KDM4C: variants seen among roughly 807,000 people sequenced by gnomAD.
KDM4C encodes the protein lysine demethylase 4C.
Under a neutral mutation model 129.3 loss-of-function variants are expected in KDM4C, and 81 were observed. That is an observed-to-expected ratio of 0.63 (90% CI 0.52 to 0.75). The LOEUF (loss-of-function observed/expected upper bound fraction) is 0.75, where lower values mean the gene tolerates loss of function less well. Ranked by LOEUF, KDM4C falls within the 30% of genes least tolerant of loss-of-function variation. The pLI, the probability that KDM4C is intolerant of heterozygous loss-of-function variation, is 0.00. For missense variants in KDM4C, 1,457 were observed against 1,304.0 expected (o/e 1.12, Z -1.81); for synonymous variants, 573 against 456.1 (o/e 1.26, Z -3.26).
chr9:6,771,002 C>G (rs181571959), intron 1 of KDM4C, among the ~76,000 whole-genome samples: 3 of 150,870 alleles, frequency 2.0e-5, no homozygotes, highest in African/African-American at 7.3e-5. Context: ...TCTCAAACTC[C>G]TGACCTCGTG....
chr9:6,862,572 G>T (rs1841130775), intron 5 of KDM4C, among the ~76,000 whole-genome samples: 1 of 152,148 alleles, frequency 6.6e-6, no homozygotes, highest in African/African-American at 2.4e-5. Flanking sequence ...GGAGGTTGAG[G>T]TTGGTGGATC....
At chr9:6,863,167 T>TC (rs945466765) in intron 5 of KDM4C, among the ~76,000 whole-genome samples, 3 of 151,920 alleles carry the variant, frequency 2.0e-5, no homozygotes, top group African/African-American at 7.2e-5. Flanking sequence ...GTGCTTTAAC[T>TC]CCCCCCCACC....
At chr9:7,119,192 G>T (rs935496911) in intron 18 of KDM4C, among the ~76,000 whole-genome samples, 2 of 150,128 alleles carry the variant, frequency 1.3e-5, no homozygotes, top group African/African-American at 4.9e-5. Context: ...TTTCATTACT[G>T]TGTCTTTTTA....
At chr9:6,739,324 G>T (rs577848944) in intron 1 of KDM4C, among the ~76,000 whole-genome samples, 4 of 152,008 alleles carry the variant, frequency 2.6e-5, no homozygotes, top group African/African-American at 9.6e-5. Context: ...CTGTCCCCCT[G>T]CACCTCCCAA....
chr9:6,870,045 T>C (rs1212364455), intron 5 of KDM4C, among the ~76,000 whole-genome samples: 1 of 152,248 alleles, frequency 6.6e-6, no homozygotes, highest in Non-Finnish European at 1.5e-5. Flanking sequence ...CAATTGGTTA[T>C]GAGTATGCTT....
At chr9:6,919,845 G>A (rs1001192372) in intron 8 of KDM4C, among the ~76,000 whole-genome samples, 2 of 151,950 alleles carry the variant, frequency 1.3e-5, no homozygotes, top group African/African-American at 4.8e-5. Context: ...AAAGTGCTAG[G>A]ATTATAGGTG....
chr9:6,976,098 T>G (rs981581478), intron 8 of KDM4C, among the ~76,000 whole-genome samples: 5 of 152,182 alleles, frequency 3.3e-5, no homozygotes, highest in African/African-American at 1.2e-4. Context: ...TTTTTGAGAC[T>G]AACGTATCTG....
chr9:6,883,656 C>T (rs1178410302), intron 6 of KDM4C, among the ~76,000 whole-genome samples: 1 of 152,074 alleles, frequency 6.6e-6, no homozygotes, highest in East Asian at 1.9e-4. Flanking sequence ...CTTCTCTTAA[C>T]CGAGAATGGA....
chr9:6,779,021 C>T (rs1823714660), intron 1 of KDM4C, among the ~76,000 whole-genome samples: 1 of 115,292 alleles, frequency 8.7e-6, no homozygotes, highest in African/African-American at 3.9e-5. Flanking sequence ...CTCACCAGGC[C>T]TGATTAAAGT....
At chr9:6,804,902 CTTTT>C (rs995164771) in intron 2 of KDM4C, among the ~76,000 whole-genome samples, 1 of 151,778 alleles carries the variant, frequency 6.6e-6, no homozygotes, top group Admixed American at 6.6e-5. Context: ...ATAATTTCGT[CTTTT>C]TTTGTTTTTC....
At position 6,944,446 on chromosome 9, in the gene KDM4C, C is replaced by G. The variant is rs117308608; in HGVS notation, c.922-36479C>G. On this transcript the variant is annotated intron_variant, in intron 8 of 21. Coordinates refer to ENST00000381309, the MANE Select transcript of KDM4C (RefSeq NM_015061.6). ...AGCTGCAGCATGTCTTTTGGTGACT[C>G]ATTAGATTTTGGCTCACATCTTTTT... is the stretch of plus-strand genomic sequence containing the variant. 5.4e-3 allele frequency among the ~76,000 whole-genome samples: 819 copies of G among 152,294 alleles called. 3 individuals are homozygous for G. Among genetic ancestry groups the G allele is most frequent in the Non-Finnish European group, 9.7e-3 (663 of 68,028 alleles).
At chr9:6,869,998 C>T (rs935274434) in intron 5 of KDM4C, among the ~76,000 whole-genome samples, 6 of 152,262 alleles carry the variant, frequency 3.9e-5, no homozygotes, top group Non-Finnish European at 5.9e-5. Context: ...GTAACATAGT[C>T]GCATCTATAA....
At chr9:7,047,764 G>T (rs565193917) in intron 16 of KDM4C, among the ~76,000 whole-genome samples, 3 of 151,926 alleles carry the variant, frequency 2.0e-5, no homozygotes, top group Non-Finnish European at 4.4e-5. Context: ...GAAAATGATT[G>T]TATATCCCTA....
intron 17 of KDM4C, chr9:7,076,718 T>C: frequency 1.6e-6 from 2 of 1,225,446 alleles, no homozygotes; most frequent in Non-Finnish European, 2.0e-6. Flanking sequence ...ATTTGTTGAC[T>C]TCCTATGTGG....
intron 8 of KDM4C, among the ~76,000 whole-genome samples, chr9:6,902,304 G>C (rs1817547213): frequency 6.6e-6 from 1 of 152,158 alleles, no homozygotes; most frequent in Non-Finnish European, 1.5e-5. Context: ...TTAAGGGGAG[G>C]AAGGGAGAGT....
At chr9:7,135,518 G>A (rs1433203056) in intron 19 of KDM4C, among the ~76,000 whole-genome samples, 1 of 152,138 alleles carries the variant, frequency 6.6e-6, no homozygotes, top group Non-Finnish European at 1.5e-5. Flanking sequence ...TCATGGGTGA[G>A]CCTGCTTAAA....
intron 8 of KDM4C, among the ~76,000 whole-genome samples, chr9:6,970,361 G>GT (rs1831750719): frequency 6.6e-6 from 1 of 152,162 alleles, no homozygotes; most frequent in Admixed American, 6.5e-5. Context: ...CTTGGTCACT[G>GT]TAATTGTACC....
At chr9:6,882,121 T>G (rs1435096326) in intron 6 of KDM4C, among the ~76,000 whole-genome samples, 1 of 152,240 alleles carries the variant, frequency 6.6e-6, no homozygotes, top group African/African-American at 2.4e-5. Flanking sequence ...GGAGTTTGAT[T>G]TCGCCCTTCA....
At chr9:6,734,192 A>G (rs761297552) in intron 1 of KDM4C, among the ~76,000 whole-genome samples, 3 of 152,172 alleles carry the variant, frequency 2.0e-5, no homozygotes, top group Non-Finnish European at 2.9e-5. Context: ...GATTAAATGC[A>G]GCTGTCCCCA....
Sources: gnomAD v4.1 joint callset for allele counts (sites outside exome capture counted in the v4.1 genomes callset) on GRCh38, gnomAD v4.1.1 for gene constraint, MANE v1.5 for transcripts, NCBI Gene and HGNC (gene_info 2026-07-23, HGNC 2026-07-21) for gene names.